Variants in ANKRD24 observed in about 807,000 individuals in gnomAD.
ANKRD24 encodes the protein ankyrin repeat domain-containing protein 24.
Under a neutral mutation model 127.8 loss-of-function variants are expected in ANKRD24, and 109 were observed. The ratio of observed to expected loss-of-function variants is 0.85; its 90% CI spans 0.73 to 1.00. ANKRD24 has a LOEUF of 1.00. ANKRD24 is among the 50% of genes least tolerant of loss of function. The pLI, the probability that ANKRD24 is intolerant of heterozygous loss-of-function variation, is 0.00. For missense variants in ANKRD24, 1,648 were observed against 1,570.2 expected (o/e 1.05, Z -0.84); for synonymous variants, 743 against 671.1 (o/e 1.11, Z -1.66).
rs1968874192 is a variant in ANKRD24, at chr19:4,198,267, C to G, written c.37-1416C>G. The G allele has an allele frequency of 2.2e-6, 1 of 460,426 alleles. No homozygotes were observed. Among genetic ancestry groups the G allele is most frequent in the Non-Finnish European group, 3.8e-6 (1 of 260,776 alleles). The allele number at this position is 460,426 out of a possible 1,614,324, so 28.5% of individuals were successfully genotyped here. On this transcript the variant is annotated intron_variant, in intron 2 of 21. Transcript: ENST00000318934. This position sits in a 1 kb window ranked among gnomAD's most constrained non-coding sequence, Gnocchi z 6.1. The stretch of plus-strand genomic sequence containing the variant: ...TCCCTCAGCCCCCAGCCCCCAGCCC[C>G]CTACCTGGGTCTTCCCATTCCATCC...
Position 4,199,404 on chromosome 19 carries a change from G to A in ANKRD24, c.37-279G>A. The A allele has an allele frequency of 1.6e-6, 1 of 611,516 alleles. No homozygotes were observed. The highest frequency in any genetic ancestry group is 2.0e-6 in the Non-Finnish European group (1 of 488,708). 37.9% of individuals were successfully genotyped at this position (611,516 alleles called of 1,614,324 possible). On this transcript the variant is annotated intron_variant, in intron 2 of 21. Coordinates refer to ENST00000318934, the MANE Select transcript of ANKRD24 (RefSeq NM_001393985.1). This position sits in a 1 kb window ranked among gnomAD's most constrained non-coding sequence, Gnocchi z 5.2. Reference sequence around the variant, plus strand: ...GATTTTTATTTTTTGTAGAGACGGGGTCCTACTATGGTGCCCAGGTTTGTC... The same window carrying A: ...GATTTTTATTTTTTGTAGAGACGGGATCCTACTATGGTGCCCAGGTTTGTC...
In ANKRD24 at chr19:4,218,112, G is replaced by C; in HGVS notation, c.2952G>C (p.Gln984His). ...LQANVAQLEGQLEELGRRHEK... is the reference protein window; with the variant it reads ...LQANVAQLEGHLEELGRRHEK... ...CCAACGTGGCCCAGCTGGAGGGGCA[G>C]CTGGAGGAGCTGGGACGGCGGCATG... The change falls in exon 18 of 22, where the codon CAG becomes CAC. Residue 984 changes from glutamine (Q) to histidine (H), a missense_variant. By Grantham distance (24) the Gln-to-His change is conservative. Coordinates refer to ENST00000318934, the MANE Select transcript of ANKRD24 (RefSeq NM_001393985.1). 6.5e-7 allele frequency: 1 copy of C among 1,542,712 alleles called. No homozygotes were observed. Among genetic ancestry groups the C allele is most frequent in the East Asian group, 2.5e-5 (1 of 39,426 alleles).
At chr19:4,216,228 C>T in intron 16 of ANKRD24, 56 bp from the exon 17 acceptor site, 1 of 1,503,930 alleles carries the variant, frequency 6.6e-7, no homozygotes. Context: ...CAGCCCCCCA[C>T]CTCCTGTCCC....
rs542507341 is a variant in ANKRD24 at position 4,195,844 on chromosome 19, A to C, written c.37-3839A>C. Among the ~76,000 whole-genome samples the C allele has an allele frequency of 3.9e-5, 6 of 152,332 alleles. No individual in the cohort carries two copies. The highest frequency in any genetic ancestry group is 1.4e-4 in the African/African-American group (6 of 41,578). On this transcript the variant is annotated intron_variant, in intron 2 of 21. Transcript: ENST00000318934. The surrounding 1 kb of genome is among the most constrained non-coding windows in gnomAD (Gnocchi z 4.2). The stretch of plus-strand genomic sequence containing the variant: ...GGGAGGCAGAGCTTGCAGTGAGCCG[A>C]GATCGCACCACTGCACTCCAGCCTG...
At chr19:4,197,157 A>T (rs1405898931) in intron 2 of ANKRD24, among the ~76,000 whole-genome samples, 1 of 152,128 alleles carries the variant, frequency 6.6e-6, no homozygotes, top group African/African-American at 2.4e-5. Context: ...AGTCCAAAAT[A>T]GGTAAGTCTG....
In ANKRD24 at chr19:4,217,895, C is replaced by T; in HGVS notation, c.2735C>T (p.Ser912Phe). The part of the protein sequence containing the change: ...LREASEALRQ[S>F]VVPASEHRRL... ...GAGGCCTCCGAGGCCCTCCGCCAGT[C>T]CGTGGTGCCGGCCTCTGAGCACCGC... is the stretch of plus-strand genomic sequence containing the variant. The change falls in exon 18 of 22, where the codon TCC (serine) becomes TTC (phenylalanine). Residue 912 changes from serine to phenylalanine, a missense_variant. Physicochemically the swap from Ser to Phe is radical, Grantham distance 155. Coordinates refer to ENST00000318934, the MANE Select transcript of ANKRD24 (RefSeq NM_001393985.1). 6.8e-7 allele frequency: 1 copy of T among 1,476,106 alleles called. No homozygotes were observed. The highest frequency in any genetic ancestry group is 2.3e-5 in the Admixed American group (1 of 42,584). 91.4% of individuals were successfully genotyped at this position (1,476,106 alleles called of 1,614,324 possible). A position where few individuals can be genotyped will look rare whatever the true frequency, so the allele number is the denominator to read the frequency against.
Position 4,208,098 on chromosome 19 carries a change from A to G in ANKRD24, c.832+130A>G, listed in dbSNP as rs190977424. The G allele has an allele frequency of 5.1e-6, 5 of 983,046 alleles. No individual in the cohort carries two copies. In the East Asian group the frequency reaches 1.2e-4, roughly 23 times the overall value. The allele number at this position is 983,046 out of a possible 1,614,324, so 60.9% of individuals were successfully genotyped here. ...TCTAGGAGGTCCTAGAGCTTACCCA[A>G]TTCTACTCAGAACAGTTTCAAGGAG... is the stretch of plus-strand genomic sequence containing the variant. On this transcript the variant is annotated intron_variant, in intron 10 of 21. Transcript: ENST00000318934.
At chr19:4,223,372 C>CATATATATATATATATATATAT (rs59994305) in intron 20 of ANKRD24, among the ~76,000 whole-genome samples, 2 of 72,918 alleles carry the variant, frequency 2.7e-5, no homozygotes, top group African/African-American at 1.4e-4. Context: ...CCTGGCCATA[C>CATATATATATATATATATATAT]ATATATATAT....
chr19:4,183,950 T>C (rs1463891357), intron 1 of ANKRD24, among the ~76,000 whole-genome samples: 1 of 152,082 alleles, frequency 6.6e-6, no homozygotes, highest in Non-Finnish European at 1.5e-5. Context: ...ATGAGTCAGG[T>C]AGAGCCGGTT....
chr19:4,203,686 G>A (rs1469704679), intron 7 of ANKRD24, among the ~76,000 whole-genome samples: 2 of 151,060 alleles, frequency 1.3e-5, no homozygotes, highest in East Asian at 2.0e-4. Flanking sequence ...TCCCTCTGTC[G>A]CCCAGGGTGG....
chr19:4,223,397 A>ACAT (rs1970561722), intron 20 of ANKRD24, among the ~76,000 whole-genome samples: 1 of 54,862 alleles, frequency 1.8e-5, no homozygotes, highest in African/African-American at 7.8e-5. Context: ...ATATATATAT[A>ACAT]TATATTTTTT....
Position 4,218,855 on chromosome 19 carries a change from C to T in ANKRD24, c.3003+692C>T, listed in dbSNP as rs148553364. 9.2e-3 allele frequency among the ~76,000 whole-genome samples: 1,399 copies of T among 151,326 alleles called. 13 individuals carry two copies. Among genetic ancestry groups the T allele is most frequent in the Non-Finnish European group, 0.014 (967 of 67,802 alleles). Reference sequence around the variant, plus strand: ...CAATCATAGCTCACTGCAACCTCCACCTCCTGGGCTCAAGTAATCCTCCCA... The same window carrying T: ...CAATCATAGCTCACTGCAACCTCCATCTCCTGGGCTCAAGTAATCCTCCCA... On this transcript the variant is annotated intron_variant, in intron 18 of 21. Coordinates refer to ENST00000318934, the MANE Select transcript of ANKRD24 (RefSeq NM_001393985.1).
chr19:4,217,006 G>A lies in ANKRD24; in HGVS notation c.1846G>A (p.Ala616Thr), dbSNP rs765283673. Residue 616 changes from alanine to threonine, a missense_variant, in exon 18 of 22, where the codon GCA (alanine) becomes ACA (threonine). Transcript: ENST00000318934. ...AGAAATGGAGACCACAGAAGAAGAA[G>A]CAAACATGGAAACTAAGCCCACAGG... ...VREMETTEEE[A>T]NMETKPTGAQ... The A allele has an allele frequency of 3.1e-6, 5 of 1,613,604 alleles. No individual in the cohort carries two copies. The highest frequency in any genetic ancestry group is 4.2e-6 in the Non-Finnish European group (5 of 1,179,842).
chr19:4,218,466 A>T (rs1970258026), intron 18 of ANKRD24, among the ~76,000 whole-genome samples: 1 of 151,682 alleles, frequency 6.6e-6, no homozygotes, highest in Non-Finnish European at 1.5e-5. Flanking sequence ...CGCCCAGCTA[A>T]CTTTTGTATT....
rs1568315682 is a variant in ANKRD24, at chr19:4,193,864, G to GAAGGAAGT, written c.37-5812_37-5811insTAAGGAAG. 1.3e-4 allele frequency among the ~76,000 whole-genome samples: 17 copies of GAAGGAAGT among 133,194 alleles called. 1 individual carries two copies. The highest frequency in any genetic ancestry group is 3.0e-4 in the Admixed American group (4 of 13,394). The allele number at this position is 133,194 out of a possible 152,430, so 87.4% of individuals were successfully genotyped here. A position where few individuals can be genotyped will look rare whatever the true frequency, so the allele number is the denominator to read the frequency against. On this transcript the variant is annotated intron_variant, in intron 2 of 21. Coordinates refer to ENST00000318934, the MANE Select transcript of ANKRD24 (RefSeq NM_001393985.1). ...GGGAGGGAGGAAGGAAGGAAGGAAG[G>GAAGGAAGT]AAGGAAGGAAGGAAGGAAGGAAGGA...
intron 2 of ANKRD24, among the ~76,000 whole-genome samples, chr19:4,193,067 G>T: frequency 6.6e-6 from 1 of 151,964 alleles, no homozygotes; most frequent in Non-Finnish European, 1.5e-5. Flanking sequence ...TTGGGAGGCC[G>T]AGGTGAGTGG....
Position 4,216,051 on chromosome 19 carries a change from G to A in ANKRD24, c.1270+1G>A. 2 of 1,593,712 alleles carry A rather than the reference G, an allele frequency of 1.3e-6. No individual in the cohort carries two copies. Among genetic ancestry groups the A allele is most frequent in the Non-Finnish European group, 8.5e-7 (1 of 1,170,910 alleles). On this transcript the variant is annotated splice_donor_variant, in intron 16 of 21. Transcript: ENST00000318934. LOFTEE classifies it high-confidence loss of function. Reference sequence around the variant, plus strand: ...GAGGGTGAGCTGCCTGACCTTCCAGGTGAGCCCCCACCTCCCCACGCACTC... The same window carrying A: ...GAGGGTGAGCTGCCTGACCTTCCAGATGAGCCCCCACCTCCCCACGCACTC...
chr19:4,190,031 G>A (rs1472226170), intron 2 of ANKRD24, among the ~76,000 whole-genome samples: 1 of 152,176 alleles, frequency 6.6e-6, no homozygotes, highest in Non-Finnish European at 1.5e-5. Flanking sequence ...GGCATTGGGT[G>A]AGCTTCATTC....
chr19:4,194,802 A>G (rs1486672972), intron 2 of ANKRD24, among the ~76,000 whole-genome samples: 1 of 152,004 alleles, frequency 6.6e-6, no homozygotes, highest in African/African-American at 2.4e-5. Context: ...AAGGGGTGAG[A>G]AGGGGCAGAA....
Sources: allele counts gnomAD v4.1 joint callset (sites outside exome capture counted in the v4.1 genomes callset), GRCh38; gene constraint gnomAD v4.1.1; non-coding constraint Gnocchi (gnomAD v3.1); transcripts MANE v1.5; gene names NCBI Gene and HGNC (gene_info 2026-07-23, HGNC 2026-07-21).